MRPS6: variants seen among roughly 807,000 people sequenced by gnomAD.
MRPS6 encodes the protein mitochondrial ribosomal protein S6.
MRPS6 carries 6 observed loss-of-function variants against 13.1 expected under a neutral mutation model. That is an observed-to-expected ratio of 0.46 (90% CI 0.25 to 0.91). MRPS6 has a LOEUF of 0.91. Ranked by LOEUF, MRPS6 falls within the 40% of genes least tolerant of loss-of-function variation. The pLI is 0.18. For synonymous variants in MRPS6, 61 were observed against 56.5 expected (o/e 1.08, Z -0.36); for missense variants, 164 against 155.6 (o/e 1.05, Z -0.29).
chr21:34,095,273 T>A (rs1486661021), intron 1 of MRPS6: 38 of 1,614,080 alleles, frequency 2.4e-5, no homozygotes, highest in Non-Finnish European at 3.0e-5. Flanking sequence ...GCATTGGTTT[T>A]TTTGCCATGT....
intron 1 of MRPS6, among the ~76,000 whole-genome samples, chr21:34,106,871 T>G (rs1231499643): frequency 3.3e-5 from 5 of 152,194 alleles, no homozygotes; most frequent in African/African-American, 9.6e-5. Context: ...AGCTTTTATG[T>G]CTTTTGCCCC....
chr21:34,093,068 A>G (rs1319604769), intron 1 of MRPS6, among the ~76,000 whole-genome samples: 2 of 152,208 alleles, frequency 1.3e-5, no homozygotes, highest in African/African-American at 2.4e-5. Flanking sequence ...AATAATGTTT[A>G]CTAGTCATCT....
At chr21:34,125,522 C>G (rs765375076) in intron 2 of MRPS6, 42 bp downstream of exon 2, 2 of 1,608,376 alleles carry the variant, frequency 1.2e-6, no homozygotes, top group South Asian at 2.2e-5. Context: ...TTTTGATAGG[C>G]TCAGTAAAGA....
intron 1 of MRPS6, 127 bp downstream of exon 1, chr21:34,073,872 C>CGGCG (rs1183878930): frequency 1.6e-5 from 7 of 437,650 alleles, no homozygotes; most frequent in African/African-American, 2.2e-5. Flanking sequence ...GAGGCCGGGG[C>CGGCG]GGCGGGCGGG....
In MRPS6 at chr21:34,098,436, A is replaced by G. The variant is rs574300989; in HGVS notation, c.45+24691A>G. 4.0e-6 allele frequency: 4 copies of G among 999,918 alleles called. No individual in the cohort carries two copies. In the East Asian group the frequency reaches 4.5e-4, roughly 113 times the overall value. The allele number at this position is 999,918 out of a possible 1,614,324, so 61.9% of individuals were successfully genotyped here. On this transcript the variant is annotated intron_variant, in intron 1 of 2. Transcript: ENST00000399312. ...AGGGAAAATTTAATTCTGATATCTT[A>G]TTGCATCCTTGATAAGTTTTTCCCT...
At chr21:34,118,607 C>G (rs941009415) in intron 1 of MRPS6, among the ~76,000 whole-genome samples, 20 of 144,606 alleles carry the variant, frequency 1.4e-4, no homozygotes, top group African/African-American at 3.9e-4. Context: ...CAACCTCCTT[C>G]TGGCTCAAGT....
In MRPS6 at chr21:34,098,654, CAAG is replaced by C. The variant is rs903914394; in HGVS notation, c.45+24912_45+24914del. ...GATAGCATGTTTGAGAGGTGCCAAA[CAAG>C]AACTTTTGGGGTTAGTAGTGTGTCT... is the stretch of plus-strand genomic sequence containing the variant. On this transcript the variant is annotated intron_variant, in intron 1 of 2. Transcript: ENST00000399312. 6.0e-6 allele frequency: 6 copies of C among 1,000,242 alleles called. No individual in the cohort carries two copies. In the African/African-American group the frequency reaches 8.7e-5, roughly 15 times the overall value. 62.0% of individuals were successfully genotyped at this position (1,000,242 alleles called of 1,614,324 possible).
At chr21:34,100,994 T>C in intron 1 of MRPS6, 2 of 1,000,004 alleles carry the variant, frequency 2.0e-6, no homozygotes, top group Non-Finnish European at 2.4e-6. Flanking sequence ...GCATGATGAC[T>C]GGAAAGGGAT....
chr21:34,091,160 T>A (rs1978664247), intron 1 of MRPS6, among the ~76,000 whole-genome samples: 1 of 152,208 alleles, frequency 6.6e-6, no homozygotes, highest in Non-Finnish European at 1.5e-5. Flanking sequence ...GGACTAGGCG[T>A]CTCAGATTGT....
At chr21:34,106,121 A>G (rs1270052982) in intron 1 of MRPS6, 17 of 997,178 alleles carry the variant, frequency 1.7e-5, no homozygotes, top group Non-Finnish European at 2.1e-5. Flanking sequence ...CTTCAAAAGT[A>G]TTTGGAAACT....
At chr21:34,105,117 A>G (rs1979417938) in intron 1 of MRPS6, 1 of 1,000,084 alleles carries the variant, frequency 1.0e-6, no homozygotes, top group Admixed American at 6.1e-5. Flanking sequence ...ATACTCCATT[A>G]GTGTCAGATG....
intron 2 of MRPS6, among the ~76,000 whole-genome samples, chr21:34,136,599 CG>C (rs1602969142): frequency 6.6e-6 from 1 of 152,072 alleles, no homozygotes; most frequent in East Asian, 1.9e-4. Flanking sequence ...GCTTTGCCAT[CG>C]TATGTCTTCT....
intron 1 of MRPS6, among the ~76,000 whole-genome samples, chr21:34,093,576 C>T (rs1221915144): frequency 6.6e-6 from 1 of 151,442 alleles, no homozygotes; most frequent in East Asian, 1.9e-4. Context: ...AAGGAAAATG[C>T]CTAGAATCAT....
At chr21:34,079,602 ATTTTTTTTTTTTTT>A (rs398036389) in intron 1 of MRPS6, among the ~76,000 whole-genome samples, 16 of 43,680 alleles carry the variant, frequency 3.7e-4, no homozygotes, top group South Asian at 3.1e-3. Flanking sequence ...GACCCAGCTA[ATTTTTTTTTTTTTT>A]TTTTTTTTTT....
intron 1 of MRPS6, among the ~76,000 whole-genome samples, chr21:34,079,447 T>C (rs1035137262): frequency 7.4e-6 from 1 of 134,900 alleles, no homozygotes; most frequent in Admixed American, 7.2e-5. Flanking sequence ...CTTCTTTCTG[T>C]TTTTTTGAGA....
At chr21:34,101,591 G>C in intron 1 of MRPS6, 2 of 1,000,094 alleles carry the variant, frequency 2.0e-6, no homozygotes, top group Non-Finnish European at 2.4e-6. Context: ...TGCTGTGTCA[G>C]TTCTACACCT....
chr21:34,113,435 CATT>C (rs1273044177), intron 1 of MRPS6, among the ~76,000 whole-genome samples: 33 of 152,170 alleles, frequency 2.2e-4, no homozygotes, highest in Admixed American at 2.2e-3. Context: ...GCCTAGAGGA[CATT>C]ATGTGAAGTG....
At chr21:34,095,212 T>C (rs1978909200) in intron 1 of MRPS6, 1 of 1,610,400 alleles carries the variant, frequency 6.2e-7, no homozygotes, top group East Asian at 2.2e-5. Flanking sequence ...AGAGCTGTAC[T>C]GGACACAGCA....
At chr21:34,090,801 T>C (rs1234613595) in intron 1 of MRPS6, among the ~76,000 whole-genome samples, 1 of 152,148 alleles carries the variant, frequency 6.6e-6, no homozygotes, top group Non-Finnish European at 1.5e-5. Flanking sequence ...GATGAAGTTG[T>C]TGCCTGAGAT....
Sources: allele counts gnomAD v4.1 joint callset (sites outside exome capture counted in the v4.1 genomes callset), GRCh38; gene constraint gnomAD v4.1.1; transcripts MANE v1.5; gene names NCBI Gene and HGNC (gene_info 2026-07-23, HGNC 2026-07-21).